RRP1B: variants seen among roughly 807,000 people sequenced by gnomAD.
RRP1B encodes ribosomal RNA processing 1B.
Under a neutral mutation model 80.2 loss-of-function variants are expected in RRP1B, and 56 were observed. That is an observed-to-expected ratio of 0.70 (90% CI 0.56 to 0.87). The LOEUF is 0.87. Among genes scored for constraint, RRP1B ranks in the 40% least tolerant of loss-of-function variants. The pLI is 0.00. For synonymous variants in RRP1B, 351 were observed against 357.6 expected (o/e 0.98, Z 0.21); for missense variants, 807 against 939.8 (o/e 0.86, Z 1.85).
At chr21:43,682,436 T>G (rs2083047083) in intron 8 of RRP1B, among the ~76,000 whole-genome samples, 1 of 152,262 alleles carries the variant, frequency 6.6e-6, no homozygotes, top group African/African-American at 2.4e-5. Flanking sequence ...AATCTGCTTC[T>G]TCATAGGCTG....
chr21:43,676,862 G>T lies in RRP1B; in HGVS notation c.744G>T (p.Glu248Asp), dbSNP rs760741336. The T allele has an allele frequency of 6.2e-7, 1 of 1,614,236 alleles. No individual in the cohort carries two copies. The highest frequency in any genetic ancestry group is 1.1e-5 in the South Asian group (1 of 91,080). Residue 248 changes from glutamate (E) to aspartate (D), a missense_variant, in exon 8 of 16, where the codon GAG (glutamate) becomes GAT (aspartate). Coordinates refer to ENST00000340648, the MANE Select transcript of RRP1B (RefSeq NM_015056.3). ...KVGDGDLSAE[E>D]IPENEVSLRR... ...GTGATGGTGACCTCTCTGCTGAGGA[G>T]ATACCTGAAAATGAGGTATCCTTGA...
At position 43,693,414 on chromosome 21, in the gene RRP1B, T is replaced by C; in HGVS notation, c.*31T>C. 6.7e-7 allele frequency: 1 copy of C among 1,496,962 alleles called. No individual in the cohort carries two copies. The allele number at this position is 1,496,962 out of a possible 1,614,324, so 92.7% of individuals were successfully genotyped here. ...AGCAGAGTCCCTTGTAAAAGACTGC[T>C]TTTGTACAGAATGCGCTATAAATTA... On this transcript the variant is annotated 3_prime_UTR_variant, in exon 16 of 16. Transcript: ENST00000340648. This position sits in a 1 kb window ranked among gnomAD's most constrained non-coding sequence, Gnocchi z 4.1.
rs765058615 is a variant in RRP1B, at chr21:43,687,520, C to G, written c.1146C>G (p.Ser382Arg). The change falls in exon 13 of 16, where the codon AGC becomes AGG. Residue 382 changes from serine (S) to arginine (R), a missense_variant. Coordinates refer to ENST00000340648, the MANE Select transcript of RRP1B (RefSeq NM_015056.3). Reference sequence around the variant, plus strand: ...GATGGGTTTCTGTCTTTTTAGGAAGCAGAGTCTTTTGTGTAGAGGAAGAGG... The same window carrying G: ...GATGGGTTTCTGTCTTTTTAGGAAGGAGAGTCTTTTGTGTAGAGGAAGAGG... ...EKTNLEKEKG[S>R]RVFCVEEEDS... 9 of 1,479,626 alleles carry G rather than the reference C, an allele frequency of 6.1e-6. No homozygotes were observed. The highest frequency in any genetic ancestry group is 8.0e-6 in the Non-Finnish European group (9 of 1,120,802). 91.7% of individuals were successfully genotyped at this position (1,479,626 alleles called of 1,614,324 possible). A position where few individuals can be genotyped will look rare whatever the true frequency, so the allele number is the denominator to read the frequency against.
At position 43,691,390 on chromosome 21, in the gene RRP1B, C is replaced by T. The variant is rs2083085604; in HGVS notation, c.2020-49C>T. The T allele has an allele frequency of 2.5e-6, 4 of 1,575,730 alleles. No individual in the cohort carries two copies. Among genetic ancestry groups the T allele is most frequent in the South Asian group, 1.1e-5 (1 of 90,110 alleles). On this transcript the variant is annotated intron_variant, in intron 14 of 15. Coordinates refer to ENST00000340648, the MANE Select transcript of RRP1B (RefSeq NM_015056.3). The surrounding 1 kb of genome is among the most constrained non-coding windows in gnomAD (Gnocchi z 4.2). ...TCCAGAAAAATCTGACTAAGCGCCT[C>T]CACTGCACTTGCGTCACTCCTTTTG...
In RRP1B at chr21:43,687,825, G is replaced by A; in HGVS notation, c.1451G>A (p.Arg484Lys). The change falls in exon 13 of 16, where the codon AGG becomes AAG. Residue 484 changes from arginine (R) to lysine (K), a missense_variant. Transcript: ENST00000340648. ...CGGAAGAAGAGCCCGAGGGCCCACA[G>A]GGAAATGTTGGAATCAGCAGTGTTG... The part of the protein sequence containing the change: ...RPRKKSPRAH[R>K]EMLESAVLPP... The A allele has an allele frequency of 6.2e-7, 1 of 1,613,286 alleles. No homozygotes were observed. Among genetic ancestry groups the A allele is most frequent in the Non-Finnish European group, 8.5e-7 (1 of 1,180,040 alleles).
Position 43,687,606 on chromosome 21 carries a change from C to G in RRP1B, c.1232C>G (p.Pro411Arg). ...AAGAAGAAGAAGCACCACCTGCAGC[C>G]TGAAAATCCAGGCCCAGGGGGTGCA... Reference protein sequence around the residue: ...RKKKKKHHLQPENPGPGGAAP... With the variant: ...RKKKKKHHLQRENPGPGGAAP... The change falls in exon 13 of 16, where the codon CCT becomes CGT. Residue 411 changes from proline to arginine, a missense_variant. Transcript: ENST00000340648. 6.6e-7 allele frequency: 1 copy of G among 1,521,544 alleles called. No individual in the cohort carries two copies. The highest frequency in any genetic ancestry group is 8.8e-7 in the Non-Finnish European group (1 of 1,139,752). 94.3% of individuals were successfully genotyped at this position (1,521,544 alleles called of 1,614,324 possible).
At position 43,694,875 on chromosome 21, in the gene RRP1B, T is replaced by C. The variant is rs550507473; in HGVS notation, c.*1492T>C. The C allele has an allele frequency of 1.3e-5, 2 of 152,252 alleles. No homozygotes were observed. The highest frequency in any genetic ancestry group is 4.8e-5 in the African/African-American group (2 of 41,548). 9.4% of individuals were successfully genotyped at this position (152,252 alleles called of 1,614,324 possible). ...TCTCATTCATTCATGGAGCCAAGGG[T>C]GGGGTTTCACCTGCGAACATCAGAC... On this transcript the variant is annotated 3_prime_UTR_variant, in exon 16 of 16. Coordinates refer to ENST00000340648, the MANE Select transcript of RRP1B (RefSeq NM_015056.3).
chr21:43,678,850 C>G (rs2083032281), intron 8 of RRP1B, among the ~76,000 whole-genome samples: 1 of 152,194 alleles, frequency 6.6e-6, no homozygotes, highest in Non-Finnish European at 1.5e-5. Context: ...AAGCCGACAT[C>G]TGGAAGAGTT....
rs57329507 is a variant in RRP1B at position 43,695,080 on chromosome 21, C to CTGCGTGGT, written c.*1698_*1699insGCGTGGTT. The CTGCGTGGT allele has an allele frequency of 0.73, 110,243 of 151,856 alleles. 41,236 individuals are homozygous for CTGCGTGGT. The highest frequency in any genetic ancestry group is 0.9 in the African/African-American group (37,391 of 41,436). The allele number at this position is 151,856 out of a possible 1,614,324, so 9.4% of individuals were successfully genotyped here. On this transcript the variant is annotated 3_prime_UTR_variant, in exon 16 of 16. Coordinates refer to ENST00000340648, the MANE Select transcript of RRP1B (RefSeq NM_015056.3). ...CTTACGTACAACATAGCTGTGGTGG[C>CTGCGTGGT]TTAATGGCTGCATTAGATAGGATCC... is the stretch of plus-strand genomic sequence containing the variant.
intron 1 of RRP1B, among the ~76,000 whole-genome samples, chr21:43,668,842 T>G (rs2082988789): frequency 1.3e-5 from 2 of 152,232 alleles, no homozygotes; most frequent in African/African-American, 2.4e-5. Flanking sequence ...TTGAGGATTC[T>G]GTTTGTGTTC....
chr21:43,684,779 A>G, intron 10 of RRP1B, 129 bp downstream of exon 10: 1 of 721,072 alleles, frequency 1.4e-6, no homozygotes, highest in South Asian at 1.7e-5. Flanking sequence ...TTTTGTGTAT[A>G]GCAATGTAAT....
At chr21:43,689,831 G>A (rs767181807) in intron 13 of RRP1B, among the ~76,000 whole-genome samples, 13 of 152,260 alleles carry the variant, frequency 8.5e-5, no homozygotes, top group Non-Finnish European at 1.9e-4. Flanking sequence ...ACGAGACCCG[G>A]TCTCTCTCTG....
intron 5 of RRP1B, 95 bp downstream of exon 5, chr21:43,674,792 G>T (rs759197838): frequency 4.9e-5 from 57 of 1,157,850 alleles, no homozygotes; most frequent in Non-Finnish European, 7.1e-5. Context: ...CCAATGAGAA[G>T]CTCGATACAT....
chr21:43,659,607 C>G lies in RRP1B; in HGVS notation c.-58C>G. 2 of 1,370,788 alleles carry G rather than the reference C, an allele frequency of 1.5e-6. No homozygotes were observed. The highest frequency in any genetic ancestry group is 3.4e-5 in the Admixed American group (1 of 29,060). The allele number at this position is 1,370,788 out of a possible 1,614,324, so 84.9% of individuals were successfully genotyped here. A position where few individuals can be genotyped will look rare whatever the true frequency, so the allele number is the denominator to read the frequency against. On this transcript the variant is annotated 5_prime_UTR_variant, in exon 1 of 16. Coordinates refer to ENST00000340648, the MANE Select transcript of RRP1B (RefSeq NM_015056.3). The surrounding 1 kb of genome is among the most constrained non-coding windows in gnomAD (Gnocchi z 4.2). ...GACGGTGGCTGGCTGCTCCGCAGCG[C>G]TCGGCTGGCTGCAGCGGCACCGCGG... is the stretch of plus-strand genomic sequence containing the variant.
chr21:43,684,988 G>C (rs2083057567), intron 10 of RRP1B, among the ~76,000 whole-genome samples: 1 of 152,104 alleles, frequency 6.6e-6, no homozygotes, highest in Non-Finnish European at 1.5e-5. Flanking sequence ...GATAGATAGG[G>C]TTAATTCTTT....
chr21:43,663,194 T>A (rs1405049307), intron 1 of RRP1B, among the ~76,000 whole-genome samples: 1 of 152,154 alleles, frequency 6.6e-6, no homozygotes, highest in African/African-American at 2.4e-5. Context: ...GGCTGTTGGA[T>A]TTGCTCATTT....
chr21:43,681,256 A>G (rs971726478), intron 8 of RRP1B, among the ~76,000 whole-genome samples: 3 of 139,518 alleles, frequency 2.2e-5, no homozygotes, highest in Non-Finnish European at 3.2e-5. Context: ...AAATAAATAA[A>G]TAAACAGATA....
chr21:43,682,446 G>A (rs1320754096), intron 8 of RRP1B, among the ~76,000 whole-genome samples: 3 of 152,224 alleles, frequency 2.0e-5, no homozygotes, highest in Non-Finnish European at 4.4e-5. Context: ...TTCATAGGCT[G>A]TAACACTCTG....
chr21:43,688,084 G>A lies in RRP1B; in HGVS notation c.1710G>A (p.Leu570=). 6 of 1,611,136 alleles carry A rather than the reference G, an allele frequency of 3.7e-6. No individual in the cohort carries two copies. The highest frequency in any genetic ancestry group is 3.3e-5 in the South Asian group (3 of 90,908). ...SHTTLPQRRR[L]QKKKAGPGSL... ...CCACGCTGCCCCAGCGCAGGAGGCT[G>A]CAGAAAAAGAAGGCAGGGCCCGGCA... The change falls in exon 13 of 16, where the codon CTG becomes CTA. Residue 570 remains leucine, a synonymous_variant. Coordinates refer to ENST00000340648, the MANE Select transcript of RRP1B (RefSeq NM_015056.3).
Sources: allele counts gnomAD v4.1 joint callset (sites outside exome capture counted in the v4.1 genomes callset), GRCh38; gene constraint gnomAD v4.1.1; non-coding constraint Gnocchi (gnomAD v3.1); transcripts MANE v1.5; gene names NCBI Gene and HGNC (gene_info 2026-07-23, HGNC 2026-07-21).